Variants in GABBR2 observed in about 807,000 individuals in gnomAD.
The protein encoded by GABBR2 is gamma-aminobutyric acid type B receptor subunit 2.
A neutral mutation model predicts 105.6 loss-of-function variants in GABBR2; 23 were observed. The ratio of observed to expected loss-of-function variants is 0.22; its 90% CI spans 0.16 to 0.31. The LOEUF (loss-of-function observed/expected upper bound fraction) is 0.31, where lower values mean the gene tolerates loss of function less well. GABBR2 is among the 10% of genes least tolerant of loss of function. GABBR2 has a pLI of 1.00. For missense variants in GABBR2, 734 were observed against 1,245.5 expected, an observed-to-expected ratio of 0.59 and a Z score of 6.18; for synonymous variants, 478 against 499.7, an observed-to-expected ratio of 0.96 and a Z score of 0.58.
At chr9:98,315,655 C>T (rs1023986351) in intron 13 of GABBR2, among the ~76,000 whole-genome samples, 1 of 151,660 alleles carries the variant, frequency 6.6e-6, no homozygotes, top group African/African-American at 2.4e-5. Flanking sequence ...GGTGGGCTAC[C>T]CACCCCCCAA....
chr9:98,618,608 TTCTA>T (rs1829624615), intron 1 of GABBR2, among the ~76,000 whole-genome samples: 1 of 151,876 alleles, frequency 6.6e-6, no homozygotes, highest in Non-Finnish European at 1.5e-5. Context: ...CTGGGTATGC[TTCTA>T]TCTCTCTTTC....
rs1830228989 is a variant in GABBR2 at position 98,288,174 on chromosome 9, T to C, written c.*2410A>G. 1 of 152,646 alleles carries C rather than the reference T, an allele frequency of 6.6e-6. No individual in the cohort carries two copies. Among genetic ancestry groups the C allele is most frequent in the South Asian group, 2.1e-4 (1 of 4,834 alleles). The allele number at this position is 152,646 out of a possible 1,614,324, so 9.5% of individuals were successfully genotyped here. A position where few individuals can be genotyped will look rare whatever the true frequency, so the allele number is the denominator to read the frequency against. On this transcript the variant is annotated 3_prime_UTR_variant, in exon 19 of 19. Coordinates refer to ENST00000259455, the MANE Select transcript of GABBR2 (RefSeq NM_005458.8). The stretch of plus-strand genomic sequence containing the variant: ...ACCATGCAGTAGGGGTACGAGAAAT[T>C]CCTCATTTACATTTGATTCTGGCAG...
chr9:98,516,899 G>A (rs569327206), intron 3 of GABBR2, among the ~76,000 whole-genome samples: 8 of 152,224 alleles, frequency 5.3e-5, no homozygotes, highest in Non-Finnish European at 8.8e-5. Flanking sequence ...CCAACAGAGC[G>A]ATTCAGACAC....
intron 13 of GABBR2, among the ~76,000 whole-genome samples, chr9:98,338,556 T>C (rs1006625013): frequency 6.6e-6 from 1 of 152,200 alleles, no homozygotes; most frequent in Admixed American, 6.5e-5. Context: ...TATTTGATAG[T>C]CATTCTCATC....
At chr9:98,526,555 G>A (rs1256917538) in intron 3 of GABBR2, among the ~76,000 whole-genome samples, 1 of 152,076 alleles carries the variant, frequency 6.6e-6, no homozygotes, top group Non-Finnish European at 1.5e-5. Flanking sequence ...CCTAGCACTT[G>A]TTATCATCTG....
At chr9:98,314,064 T>G (rs1426544467) in intron 13 of GABBR2, among the ~76,000 whole-genome samples, 1 of 152,194 alleles carries the variant, frequency 6.6e-6, no homozygotes, top group East Asian at 1.9e-4. Context: ...TGGGTCCATG[T>G]GCATTGAGTC....
At chr9:98,664,652 T>C (rs1403001947) in intron 1 of GABBR2, among the ~76,000 whole-genome samples, 2 of 152,122 alleles carry the variant, frequency 1.3e-5, no homozygotes, top group African/African-American at 2.4e-5. Context: ...TGGTCTTTTA[T>C]CTCAAAAGAC....
intron 3 of GABBR2, among the ~76,000 whole-genome samples, chr9:98,537,412 A>G (rs984939918): frequency 6.6e-6 from 1 of 151,884 alleles, no homozygotes; most frequent in Non-Finnish European, 1.5e-5. Flanking sequence ...AGTGATGAAG[A>G]GTGTTCTAAA....
intron 8 of GABBR2, among the ~76,000 whole-genome samples, chr9:98,397,253 T>TC (rs1832310199): frequency 6.6e-6 from 1 of 152,218 alleles, no homozygotes; most frequent in Non-Finnish European, 1.5e-5. Context: ...TTAAAGTCAT[T>TC]CCCGTGTCCT....
intron 2 of GABBR2, among the ~76,000 whole-genome samples, chr9:98,554,192 C>G (rs1828541051): frequency 6.6e-6 from 1 of 151,972 alleles, no homozygotes; most frequent in Admixed American, 6.6e-5. Flanking sequence ...GCAACCAGGG[C>G]AATTTAAAAG....
chr9:98,453,029 C>CTT (rs968728731), intron 7 of GABBR2, among the ~76,000 whole-genome samples: 1 of 151,654 alleles, frequency 6.6e-6, no homozygotes, highest in African/African-American at 2.4e-5. Context: ...TTTCTATGCC[C>CTT]TTTTTTTTTC....
intron 13 of GABBR2, among the ~76,000 whole-genome samples, chr9:98,320,645 G>T (rs1221754271): frequency 2.0e-5 from 3 of 152,136 alleles, no homozygotes; most frequent in Non-Finnish European, 4.4e-5. Context: ...ATACTGTGCA[G>T]CCTTAAAAAA....
chr9:98,414,581 T>C (rs911088281), intron 7 of GABBR2, among the ~76,000 whole-genome samples: 2 of 152,160 alleles, frequency 1.3e-5, no homozygotes, highest in African/African-American at 2.4e-5. Context: ...TTAAGTATTA[T>C]ATTATAAAAG....
At chr9:98,705,236 G>C (rs1163751042) in intron 1 of GABBR2, among the ~76,000 whole-genome samples, 1 of 152,220 alleles carries the variant, frequency 6.6e-6, no homozygotes, top group Non-Finnish European at 1.5e-5. Flanking sequence ...CACCAGAGAA[G>C]CAGAGGTTCT....
chr9:98,527,066 T>C (rs888228124), intron 3 of GABBR2, among the ~76,000 whole-genome samples: 2 of 148,374 alleles, frequency 1.3e-5, no homozygotes, highest in African/African-American at 4.9e-5. Context: ...CAATAACATA[T>C]ATTATTCATA....
chr9:98,553,599 G>GA lies in GABBR2; in HGVS notation c.460-11557dup, dbSNP rs56986103. ...AGAGGAGACCCCTTCTCAAAAAGAGGAAAAAAAAGAGGCAAAGCTGGGACC... is the reference window on the plus strand; with the variant it reads ...AGAGGAGACCCCTTCTCAAAAAGAGGAAAAAAAAAGAGGCAAAGCTGGGACC... On this transcript the variant is annotated intron_variant, in intron 2 of 18. Transcript: ENST00000259455. Among the ~76,000 whole-genome samples the GA allele has an allele frequency of 1.2e-3, 183 of 151,728 alleles. 3 individuals carry two copies. In the East Asian group the frequency reaches 0.03, roughly 25 times the overall value.
intron 1 of GABBR2, among the ~76,000 whole-genome samples, chr9:98,605,745 G>A (rs1385376062): frequency 1.3e-5 from 2 of 152,208 alleles, no homozygotes; most frequent in East Asian, 1.9e-4. Flanking sequence ...CCTGTAATTC[G>A]GGATAATGGA....
intron 7 of GABBR2, among the ~76,000 whole-genome samples, chr9:98,425,551 G>A (rs1471679135): frequency 6.6e-6 from 1 of 152,184 alleles, no homozygotes; most frequent in African/African-American, 2.4e-5. Context: ...GCATTCCATG[G>A]CTCTGGTCCT....
intron 2 of GABBR2, among the ~76,000 whole-genome samples, chr9:98,547,778 G>A (rs1828424313): frequency 8.2e-6 from 1 of 122,118 alleles, no homozygotes; most frequent in African/African-American, 2.6e-5. Context: ...GTTTGATTTT[G>A]CAGTGCTTTG....
Sources: allele counts gnomAD v4.1 joint callset (sites outside exome capture counted in the v4.1 genomes callset), GRCh38; gene constraint gnomAD v4.1.1; transcripts MANE v1.5; gene names NCBI Gene and HGNC (gene_info 2026-07-23, HGNC 2026-07-21).